Variants in AKR7A3 observed in about 807,000 individuals in gnomAD.
AKR7A3 encodes aldo-keto reductase family 7 member A3.
In AKR7A3, 37 loss-of-function variants were observed where a neutral mutation model predicts 32.5. The ratio of observed to expected loss-of-function variants is 1.14; its 90% CI spans 0.88 to 1.50. AKR7A3 has a LOEUF of 1.50. AKR7A3 is among the 40% of genes most tolerant of loss of function. The pLI is 0.00. For synonymous variants in AKR7A3, 177 were observed against 188.4 expected (o/e 0.94, Z 0.50); for missense variants, 412 against 453.2 (o/e 0.91, Z 0.83).
chr1:19,282,991 G>A, intron 6 of AKR7A3, 99 bp from the exon 7 acceptor site: 2 of 1,464,142 alleles, frequency 1.4e-6, no homozygotes, highest in East Asian at 4.5e-5. Context: ...GGGATCTCTT[G>A]TATCCCATAT....
At chr1:19,278,496 G>A (rs2093714176), downstream of AKR7A3, among the ~76,000 whole-genome samples, 1 of 151,748 alleles carries the variant, frequency 6.6e-6, no homozygotes, top group Admixed American at 6.6e-5. Context: ...AGGAGGCGGA[G>A]GTTGCAATGA....
the AKR7A3 span, among the ~76,000 whole-genome samples, chr1:19,275,912 C>T: frequency 6.6e-6 from 1 of 151,744 alleles, no homozygotes; most frequent in Non-Finnish European, 1.5e-5. Flanking sequence ...AATGTATATG[C>T]AAATAAAAAT....
At position 19,284,052 on chromosome 1, in the gene AKR7A3, C is replaced by A. The variant is rs371333518; in HGVS notation, c.778G>T (p.Ala260Ser). Residue 260 changes from alanine to serine, a missense_variant, in exon 6 of 7, where the codon GCC becomes TCC. Coordinates refer to ENST00000361640, the MANE Select transcript of AKR7A3 (RefSeq NM_012067.3). ...AGGGTGGCCGAGGTCATGCTGGGGG[C>A]GCTGGCGCCATACGCGGCCTGCAGG... is the stretch of plus-strand genomic sequence containing the variant. ...KALQAAYGAS[A>S]PSMTSATLRW... The A allele has an allele frequency of 1.2e-6, 2 of 1,613,660 alleles. No homozygotes were observed. The highest frequency in any genetic ancestry group is 4.5e-5 in the East Asian group (2 of 44,872).
chr1:19,285,563 C>A (rs1312724002), intron 3 of AKR7A3, among the ~76,000 whole-genome samples: 1 of 151,616 alleles, frequency 6.6e-6, no homozygotes, highest in African/African-American at 2.4e-5. Flanking sequence ...GAAAGGCTTC[C>A]AGAGGAAGAG....
At position 19,282,692 on chromosome 1, in the gene AKR7A3, G is replaced by C; in HGVS notation, c.*39C>G. ...AAAGAAAATGTGAGTAACAAAAGAT[G>C]TTACAGAAGAGCCTTGGGCAGCCTG... On this transcript the variant is annotated 3_prime_UTR_variant, in exon 7 of 7. Transcript: ENST00000361640. The C allele has an allele frequency of 6.2e-7, 1 of 1,613,760 alleles. No individual in the cohort carries two copies. The highest frequency in any genetic ancestry group is 1.1e-5 in the South Asian group (1 of 91,080).
the AKR7A3 span, among the ~76,000 whole-genome samples, chr1:19,277,351 G>A: frequency 6.6e-6 from 1 of 151,810 alleles, no homozygotes; most frequent in Admixed American, 6.6e-5. Flanking sequence ...ATAACCCATG[G>A]ATCAAAGATG....
chr1:19,288,634 G>A lies in AKR7A3; in HGVS notation c.76C>T (p.Pro26Ser). The A allele has an allele frequency of 6.4e-7, 1 of 1,551,728 alleles. No individual in the cohort carries two copies. Among genetic ancestry groups the A allele is most frequent in the Non-Finnish European group, 8.7e-7 (1 of 1,150,006 alleles). ...GCGCGCGTGACTGCGGCGCTGGTGG[G>A]CGCGTCCATGCGGCGCCCCATCTCC... The part of the protein sequence containing the change: ...AMEMGRRMDA[P>S]TSAAVTRAFL... Residue 26 changes from proline to serine, a missense_variant, in exon 1 of 7, where the codon CCC becomes TCC. Transcript: ENST00000361640.
chr1:19,284,693 T>C lies in AKR7A3; in HGVS notation c.697A>G (p.Arg233Gly). The change falls in exon 5 of 7, where the codon AGG (arginine) becomes GGG (glycine). Residue 233 changes from arginine to glycine, a missense_variant. Coordinates refer to ENST00000361640, the MANE Select transcript of AKR7A3 (RefSeq NM_012067.3). Reference protein sequence around the residue: ...FFGNTWAEMYRNRYWKEHHFE... With the variant: ...FFGNTWAEMYGNRYWKEHHFE... ...CAAGCACCCACAGCTTACCGATTCC[T>C]GTACATCTCTGCCCAGGTATTCCCA... 1.2e-6 allele frequency: 2 copies of C among 1,613,850 alleles called. No homozygotes were observed. Among genetic ancestry groups the C allele is most frequent in the Non-Finnish European group, 1.7e-6 (2 of 1,179,978 alleles).
rs1307349224 is a variant in AKR7A3, at chr1:19,282,785, G to C, written c.942C>G (p.Ala314=). ...TAACCAAATGCCAGGCTTGATTAAA[G>C]GCGTCCACGACAGCCGGCTCCAGGG... is the stretch of plus-strand genomic sequence containing the variant. The part of the protein sequence containing the change: ...EGPLEPAVVD[A]FNQAWHLVTH... Residue 314 remains alanine (A), a synonymous_variant, in exon 7 of 7, where the codon GCC becomes GCG. Transcript: ENST00000361640. 6.2e-7 allele frequency: 1 copy of C among 1,613,652 alleles called. No homozygotes were observed. Among genetic ancestry groups the C allele is most frequent in the East Asian group, 2.2e-5 (1 of 44,874 alleles).
At chr1:19,281,375 T>C (rs1206491414), downstream of AKR7A3, among the ~76,000 whole-genome samples, 1 of 151,858 alleles carries the variant, frequency 6.6e-6, no homozygotes, top group African/African-American at 2.4e-5. Context: ...TGGTGGCTCA[T>C]GCCTGTAATC....
the AKR7A3 span, among the ~76,000 whole-genome samples, chr1:19,275,399 G>A: frequency 8.7e-5 from 13 of 149,724 alleles, 1 homozygote; most frequent in Middle Eastern, 3.4e-3. Context: ...CAACAAGAGC[G>A]AAATTCCATC....
At chr1:19,280,023 C>T (rs1310510159), downstream of AKR7A3, among the ~76,000 whole-genome samples, 3 of 151,664 alleles carry the variant, frequency 2.0e-5, no homozygotes, top group Non-Finnish European at 4.4e-5. Context: ...CCAGGGAAAC[C>T]AAAAGATTGG....
At chr1:19,284,562 C>G in intron 5 of AKR7A3, 124 bp downstream of exon 5, 1 of 1,091,078 alleles carries the variant, frequency 9.2e-7, no homozygotes, top group Non-Finnish European at 1.4e-6. Context: ...TGGAAATTCC[C>G]GAAGAAATTC....
the AKR7A3 span, among the ~76,000 whole-genome samples, chr1:19,274,899 C>CAAAAAAAAAAAAAAAAAAAA: frequency 2.6e-3 from 117 of 44,246 alleles, 25 homozygotes; most frequent in Middle Eastern, 0.019. Context: ...TCTCTAAATA[C>CAAAAAAAAAAAAAAAAAAAA]AAAAAAAAAA....
Position 19,288,496 on chromosome 1 carries a change from C to A in AKR7A3, c.214G>T (p.Val72Leu), listed in dbSNP as rs759676013. The change falls in exon 1 of 7, where the codon GTG (valine) becomes TTG (leucine). Residue 72 changes from valine (V) to leucine (L), a missense_variant and splice_region_variant. Physicochemically the swap from Val to Leu is conservative, Grantham distance 32 (BLOSUM62 1). Transcript: ENST00000361640. ...GLRLGGSDCR[V>L]KIDTKAIPLF... ...GGGGAGGATCAGGGGCCACTGTTAC[C>A]TCTGCAGTCGCTGCCGCCCAGCCGG... 4 of 1,610,600 alleles carry A rather than the reference C, an allele frequency of 2.5e-6. No homozygotes were observed. The Admixed American group carries it at 5.0e-5, about 20-fold the overall frequency.
intron 4 of AKR7A3, 38 bp from the exon 5 acceptor site, chr1:19,284,823 GC>G: frequency 6.2e-7 from 1 of 1,606,352 alleles, no homozygotes; most frequent in East Asian, 2.2e-5. Context: ...GGCCTAGAGT[GC>G]CCCAGAAGCT....
chr1:19,277,270 A>G, the AKR7A3 span, among the ~76,000 whole-genome samples: 2 of 152,084 alleles, frequency 1.3e-5, 1 homozygote, highest in East Asian at 3.9e-4. Flanking sequence ...ATAAATAAAT[A>G]GAAGAAAAAG....
At chr1:19,287,385 T>G (rs2093732623) in intron 1 of AKR7A3, among the ~76,000 whole-genome samples, 1 of 151,412 alleles carries the variant, frequency 6.6e-6, no homozygotes, top group Non-Finnish European at 1.5e-5. Flanking sequence ...AGCGTGGCAC[T>G]GGGATGCACG....
chr1:19,274,863 G>A, the AKR7A3 span, among the ~76,000 whole-genome samples: 160 of 121,844 alleles, frequency 1.3e-3, no homozygotes, highest in African/African-American at 4.6e-3. Context: ...ACTGCACTCC[G>A]CCCTGGGTGA....
Sources: gnomAD v4.1 joint callset for allele counts (sites outside exome capture counted in the v4.1 genomes callset) on GRCh38, gnomAD v4.1.1 for gene constraint, MANE v1.5 for transcripts, NCBI Gene and HGNC (gene_info 2026-07-23, HGNC 2026-07-21) for gene names.